HSPB7: variants seen among roughly 807,000 people sequenced by gnomAD.
HSPB7 encodes the protein heat shock protein family B (small) member 7.
Under a neutral mutation model 11.0 loss-of-function variants are expected in HSPB7, and 9 were observed. The observed-to-expected ratio is 0.82, with a 90% confidence interval of 0.49 to 1.43. HSPB7 has a LOEUF of 1.43. Ranked by LOEUF, HSPB7 falls within the 40% of genes most tolerant of loss-of-function variation. The pLI, the probability that HSPB7 is intolerant of heterozygous loss-of-function variation, is 0.00. For missense variants in HSPB7, 246 were observed against 243.9 expected, an observed-to-expected ratio of 1.01 and a Z score of -0.06; for synonymous variants, 102 against 101.6, an observed-to-expected ratio of 1.00 and a Z score of -0.02.
upstream of HSPB7, chr1:16,018,813 C>T (rs1031621865): frequency 8.3e-7 from 1 of 1,203,236 alleles, no homozygotes; most frequent in African/African-American, 1.6e-5. Flanking sequence ...GACAATTATT[C>T]TAGCCCTGAG....
At chr1:16,018,251 A>G (rs544934831), upstream of HSPB7, 148 of 1,427,176 alleles carry the variant, frequency 1.0e-4, no homozygotes, top group Admixed American at 2.0e-4. Context: ...CAGCAGCCCC[A>G]GGGGCCTCCT....
At position 16,015,541 on chromosome 1, in the gene HSPB7, C is replaced by T. The variant is rs773017695; in HGVS notation, c.*39G>A. 1.3e-5 allele frequency: 21 copies of T among 1,597,506 alleles called. No homozygotes were observed. The highest frequency in any genetic ancestry group is 1.6e-4 in the Middle Eastern group (1 of 6,068). ...GGGTTAGCGAGGCTTTGCTGGCAGG[C>T]GTGGGGCGGGGGGACAGGGAAAGGG... is the stretch of plus-strand genomic sequence containing the variant. On this transcript the variant is annotated 3_prime_UTR_variant, in exon 3 of 3. Transcript: ENST00000311890. This position sits in a 1 kb window ranked among gnomAD's most constrained non-coding sequence, Gnocchi z 4.9.
chr1:16,019,366 C>A, upstream of HSPB7: 3 of 1,453,416 alleles, frequency 2.1e-6, no homozygotes, highest in Non-Finnish European at 1.9e-6. Context: ...CAGCACCTGG[C>A]AGTGTGACAT....
chr1:16,018,450 C>G (rs895475548), upstream of HSPB7: 1 of 1,153,224 alleles, frequency 8.7e-7, no homozygotes, highest in Non-Finnish European at 1.1e-6. Context: ...AGTGTGCAGG[C>G]TCCTTGGGGA....
intron 1 of HSPB7, chr1:16,017,540 G>A (rs1165032929): frequency 1.9e-5 from 11 of 593,492 alleles, no homozygotes; most frequent in Non-Finnish European, 1.8e-5. Context: ...GGTGGCCATG[G>A]AACCATGTCC....
rs759972261 is a variant in HSPB7 at position 16,015,638 on chromosome 1, C to T, written c.455G>A (p.Arg152Gln). 18 of 1,613,970 alleles carry T rather than the reference C, an allele frequency of 1.1e-5. No homozygotes were observed. Among genetic ancestry groups the T allele is most frequent in the Admixed American group, 3.3e-5 (2 of 60,016 alleles). The stretch of plus-strand genomic sequence containing the variant: ...GACGTGTTCTGTATGCGGGTGACGC[C>T]GTGCCCGGATAGTGAGGCTGCCGTC... ...REDGSLTIRA[R>Q]RHPHTEHVQQ... The change falls in exon 3 of 3, where the codon CGG becomes CAG. Residue 152 changes from arginine (R) to glutamine (Q), a missense_variant. Arg to Gln is a conservative substitution (Grantham distance 43, BLOSUM62 1). Transcript: ENST00000311890. This position sits in a 1 kb window ranked among gnomAD's most constrained non-coding sequence, Gnocchi z 4.9.
Position 16,015,901 on chromosome 1 carries a change from C to T in HSPB7, c.334-142G>A. 1.2e-6 allele frequency: 1 copy of T among 806,134 alleles called. No homozygotes were observed. Among genetic ancestry groups the T allele is most frequent in the South Asian group, 1.8e-5 (1 of 55,504 alleles). 49.9% of individuals were successfully genotyped at this position (806,134 alleles called of 1,614,324 possible). On this transcript the variant is annotated intron_variant, in intron 2 of 2. Transcript: ENST00000311890. This position sits in a 1 kb window ranked among gnomAD's most constrained non-coding sequence, Gnocchi z 4.9. Reference sequence around the variant, plus strand: ...TGCCCTCAGGTGCCGAGGGGCTGCCCAGGGTGGTGATGGCCACAGGCCAAA... The same window carrying T: ...TGCCCTCAGGTGCCGAGGGGCTGCCTAGGGTGGTGATGGCCACAGGCCAAA...
upstream of HSPB7, chr1:16,019,057 A>G (rs1186390483): frequency 2.3e-5 from 30 of 1,303,596 alleles, no homozygotes; most frequent in Non-Finnish European, 2.8e-5. Context: ...ACATGTGCCT[A>G]TGGAGACAGG....
In HSPB7 at chr1:16,016,560, C is replaced by T. The variant is rs1178473936; in HGVS notation, c.333+514G>A. 3.3e-5 allele frequency among the ~76,000 whole-genome samples: 5 copies of T among 152,188 alleles called. No homozygotes were observed. The East Asian group carries it at 7.7e-4, about 23-fold the overall frequency. ...GTGACCCGAAACTGCAGGGCCCCTGCCCAGCCTCGGGCCTAATTTAGGGGT... is the reference window on the plus strand; with the variant it reads ...GTGACCCGAAACTGCAGGGCCCCTGTCCAGCCTCGGGCCTAATTTAGGGGT... On this transcript the variant is annotated intron_variant, in intron 2 of 2. Transcript: ENST00000311890.
upstream of HSPB7, chr1:16,018,712 C>T (rs558283427): frequency 9.5e-5 from 99 of 1,039,828 alleles, no homozygotes; most frequent in Non-Finnish European, 1.1e-4. Flanking sequence ...GTTGTGTTCC[C>T]GGCAACTGTC....
chr1:16,018,896 G>A, upstream of HSPB7: 1 of 1,300,962 alleles, frequency 7.7e-7, no homozygotes, highest in Non-Finnish European at 1.0e-6. Context: ...TCCCCACACA[G>A]CTGGGAGGGT....
chr1:16,015,554 G>T lies in HSPB7; in HGVS notation c.*26C>A. The T allele has an allele frequency of 6.2e-7, 1 of 1,610,384 alleles. No homozygotes were observed. Among genetic ancestry groups the T allele is most frequent in the African/African-American group, 1.3e-5 (1 of 74,964 alleles). ...TTTGCTGGCAGGCGTGGGGCGGGGG[G>T]ACAGGGAAAGGGAAGGGAGAGGCAC... On this transcript the variant is annotated 3_prime_UTR_variant, in exon 3 of 3. Coordinates refer to ENST00000311890, the MANE Select transcript of HSPB7 (RefSeq NM_014424.5). This position sits in a 1 kb window ranked among gnomAD's most constrained non-coding sequence, Gnocchi z 4.9.
chr1:16,018,639 C>A, upstream of HSPB7: 1 of 1,031,898 alleles, frequency 9.7e-7, no homozygotes, highest in Middle Eastern at 4.7e-4. Flanking sequence ...CCCTCTGACT[C>A]TCAGAACATT....
rs926563866 is a variant in HSPB7, at chr1:16,015,496, G to A, written c.*84C>T. ...TGGGGGCTAGAACCTGGGCTGAGAT[G>A]TCCTGGAGCTGTTGTAATGGGGTTA... On this transcript the variant is annotated 3_prime_UTR_variant, in exon 3 of 3. Transcript: ENST00000311890. The surrounding 1 kb of genome is among the most constrained non-coding windows in gnomAD (Gnocchi z 4.9). 53 of 1,364,876 alleles carry A rather than the reference G, an allele frequency of 3.9e-5. No individual in the cohort carries two copies. The highest frequency in any genetic ancestry group is 5.1e-5 in the Non-Finnish European group (50 of 970,898). 84.5% of individuals were successfully genotyped at this position (1,364,876 alleles called of 1,614,324 possible).
At chr1:16,018,989 T>A, upstream of HSPB7, 1 of 991,586 alleles carries the variant, frequency 1.0e-6, no homozygotes, top group Non-Finnish European at 1.4e-6. Flanking sequence ...GTGGCAGAGC[T>A]GGGATTCGAA....
intron 2 of HSPB7, 137 bp downstream of exon 2, chr1:16,016,937 C>T (rs2021774167): frequency 1.2e-6 from 1 of 856,238 alleles, no homozygotes; most frequent in South Asian, 1.8e-5. Context: ...ACAAGGCCTT[C>T]AGTTAGCCCT....
In HSPB7 at chr1:16,015,983, A is replaced by G. The variant is rs1482295326; in HGVS notation, c.334-224T>C. Among the ~76,000 whole-genome samples the G allele has an allele frequency of 6.6e-6, 1 of 152,250 alleles. No homozygotes were observed. Among genetic ancestry groups the G allele is most frequent in the Non-Finnish European group, 1.5e-5 (1 of 68,042 alleles). On this transcript the variant is annotated intron_variant, in intron 2 of 2. Coordinates refer to ENST00000311890, the MANE Select transcript of HSPB7 (RefSeq NM_014424.5). This position sits in a 1 kb window ranked among gnomAD's most constrained non-coding sequence, Gnocchi z 4.9. ...CAGAGCTCCAGTAGCTCCAAGGAAC[A>G]GGCCAGGGACATGGGGAAGAGGTGG...
rs2021683976 is a variant in HSPB7 at position 16,015,889 on chromosome 1, C to T, written c.334-130G>A. 1.7e-5 allele frequency: 15 copies of T among 885,004 alleles called. No individual in the cohort carries two copies. The highest frequency in any genetic ancestry group is 5.3e-5 in the East Asian group (2 of 37,388). 54.8% of individuals were successfully genotyped at this position (885,004 alleles called of 1,614,324 possible). The stretch of plus-strand genomic sequence containing the variant: ...GCCGAGGGGCTCTGCCCTCAGGTGC[C>T]GAGGGGCTGCCCAGGGTGGTGATGG... On this transcript the variant is annotated intron_variant, in intron 2 of 2. Transcript: ENST00000311890. This position sits in a 1 kb window ranked among gnomAD's most constrained non-coding sequence, Gnocchi z 4.9.
upstream of HSPB7, chr1:16,019,191 C>G: frequency 6.4e-7 from 1 of 1,550,556 alleles, no homozygotes; most frequent in Non-Finnish European, 8.7e-7. Flanking sequence ...TCTGCTCTGC[C>G]CAGGTTGCAG....
Sources: allele counts gnomAD v4.1 joint callset (sites outside exome capture counted in the v4.1 genomes callset), GRCh38; gene constraint gnomAD v4.1.1; non-coding constraint Gnocchi (gnomAD v3.1); transcripts MANE v1.5; gene names NCBI Gene and HGNC (gene_info 2026-07-23, HGNC 2026-07-21).